COL25A1: variants seen among roughly 807,000 people sequenced by gnomAD.
COL25A1 encodes collagen type XXV alpha 1 chain, also known as collagen alpha-1(XXV) chain.
Under a neutral mutation model 128.4 loss-of-function variants are expected in COL25A1, and 103 were observed. The observed-to-expected ratio is 0.80, with a 90% CI of 0.68 to 0.94. The LOEUF (loss-of-function observed/expected upper bound fraction) is 0.94, where lower values mean the gene tolerates loss of function less well. Among genes scored for constraint, COL25A1 ranks in the 40% least tolerant of loss-of-function variants. The probability of loss-of-function intolerance (pLI) is 0.00; values close to 1 mark genes in which losing one functional copy is unlikely to be tolerated. For missense variants in COL25A1, 745 were observed against 840.0 expected (o/e 0.89, Z 1.40); for synonymous variants, 279 against 277.2 (o/e 1.01, Z -0.06).
intron 6 of COL25A1, among the ~76,000 whole-genome samples, chr4:108,977,926 T>G (rs1255834588): frequency 6.6e-6 from 1 of 152,216 alleles, no homozygotes; most frequent in Non-Finnish European, 1.5e-5. Context: ...GCCAGTGAGA[T>G]TTCACAGGCC....
intron 3 of COL25A1, among the ~76,000 whole-genome samples, chr4:109,237,656 TG>T (rs1226662070): frequency 2.0e-5 from 3 of 151,952 alleles, no homozygotes. Context: ...ATTATTTATT[TG>T]TGTGATAAAA....
intron 3 of COL25A1, among the ~76,000 whole-genome samples, chr4:109,133,051 T>C (rs866552091): frequency 2.6e-5 from 4 of 152,068 alleles, no homozygotes; most frequent in Non-Finnish European, 5.9e-5. Flanking sequence ...AGTTTCAATA[T>C]AGAATTCATT....
intron 5 of COL25A1, among the ~76,000 whole-genome samples, chr4:109,013,743 G>A (rs1756927129): frequency 6.6e-6 from 1 of 152,134 alleles, no homozygotes; most frequent in East Asian, 1.9e-4. Flanking sequence ...AAGCCAGCGA[G>A]ACCACGAACC....
intron 3 of COL25A1, among the ~76,000 whole-genome samples, chr4:109,161,925 G>C (rs1384411647): frequency 6.6e-6 from 1 of 152,176 alleles, no homozygotes; most frequent in Non-Finnish European, 1.5e-5. Context: ...CAAATCTCAG[G>C]CAACAGGTAA....
intron 6 of COL25A1, among the ~76,000 whole-genome samples, chr4:108,998,113 A>G (rs1292295051): frequency 6.6e-6 from 1 of 152,226 alleles, no homozygotes; most frequent in Non-Finnish European, 1.5e-5. Flanking sequence ...TAGTGTTGGA[A>G]GTACTGTCCA....
rs996007945 is a variant in COL25A1 at position 109,006,823 on chromosome 4, C to T, written c.438+3535G>A. Among the ~76,000 whole-genome samples the T allele has an allele frequency of 1.3e-5, 2 of 152,108 alleles. 1 individual carries two copies. The highest frequency in any genetic ancestry group is 1.3e-4 in the Admixed American group (2 of 15,268). ...TATTTAAGGAACAGAAAACCAAACA[C>T]CGCATGTTCTCATTTATAAGTGGCA... On this transcript the variant is annotated intron_variant, in intron 6 of 37. Transcript: ENST00000399132.
chr4:109,011,901 C>T (rs1366989937), intron 5 of COL25A1, among the ~76,000 whole-genome samples: 1 of 152,236 alleles, frequency 6.6e-6, no homozygotes, highest in African/African-American at 2.4e-5. Context: ...GTAGGCATTC[C>T]TACCTGCAAC....
intron 24 of COL25A1, among the ~76,000 whole-genome samples, chr4:108,858,439 C>A (rs9995265): frequency 1.3e-5 from 2 of 151,792 alleles, no homozygotes; most frequent in Admixed American, 6.6e-5. Flanking sequence ...CTTGGTGAGA[C>A]AGAATAAGTA....
chr4:108,865,990 T>A (rs561231045), intron 20 of COL25A1, among the ~76,000 whole-genome samples: 1 of 152,276 alleles, frequency 6.6e-6, no homozygotes, highest in East Asian at 1.9e-4. Context: ...GAAATTATAT[T>A]ATTTGTCTAC....
At chr4:108,944,361 T>A (rs1215085735) in intron 8 of COL25A1, among the ~76,000 whole-genome samples, 2 of 152,190 alleles carry the variant, frequency 1.3e-5, no homozygotes, top group Non-Finnish European at 2.9e-5. Context: ...TGTTATTAGA[T>A]GGTAATGTGC....
At chr4:108,943,096 A>G (rs1233318787) in intron 8 of COL25A1, among the ~76,000 whole-genome samples, 2 of 152,150 alleles carry the variant, frequency 1.3e-5, no homozygotes, top group Admixed American at 1.3e-4. Context: ...GGAAACTGAG[A>G]GCTCATTGTC....
chr4:108,835,595 C>T (rs1407099018), intron 31 of COL25A1, among the ~76,000 whole-genome samples: 1 of 151,756 alleles, frequency 6.6e-6, no homozygotes, highest in African/African-American at 2.4e-5. Context: ...ACCCTTGTTG[C>T]CCAGGCTGAA....
At chr4:109,205,368 C>T (rs559798495) in intron 3 of COL25A1, among the ~76,000 whole-genome samples, 5 of 152,132 alleles carry the variant, frequency 3.3e-5, no homozygotes, top group Non-Finnish European at 7.3e-5. Context: ...CTAAAGACTA[C>T]GTTTCCCAGC....
intron 5 of COL25A1, among the ~76,000 whole-genome samples, chr4:109,024,953 G>A (rs1254271623): frequency 1.3e-5 from 2 of 152,208 alleles, no homozygotes; most frequent in African/African-American, 4.8e-5. Flanking sequence ...TTAAACACCA[G>A]CGAGAAGAGG....
intron 3 of COL25A1, among the ~76,000 whole-genome samples, chr4:109,070,132 C>T (rs2125981320): frequency 1.3e-5 from 2 of 151,802 alleles, no homozygotes; most frequent in Admixed American, 1.3e-4. Flanking sequence ...GGGGTGTATG[C>T]CTCTAGTCCC....
intron 14 of COL25A1, among the ~76,000 whole-genome samples, chr4:108,900,431 C>G (rs1742698014): frequency 6.6e-6 from 1 of 152,154 alleles, no homozygotes; most frequent in African/African-American, 2.4e-5. Flanking sequence ...CACACCAGCA[C>G]AGCTGATGGG....
chr4:108,844,435 G>A, intron 30 of COL25A1, 84 bp downstream of exon 30: 2 of 1,610,432 alleles, frequency 1.2e-6, no homozygotes, highest in Middle Eastern at 3.4e-4. Context: ...ATACAAGCTG[G>A]CTGTTTAGAG....
chr4:109,026,616 C>G (rs1355714075), intron 5 of COL25A1, among the ~76,000 whole-genome samples: 1 of 152,080 alleles, frequency 6.6e-6, no homozygotes, highest in Admixed American at 6.6e-5. Flanking sequence ...ACATGTGTGC[C>G]GACGATTTGC....
At chr4:108,820,545 A>C (rs1357968641) in intron 35 of COL25A1, among the ~76,000 whole-genome samples, 2 of 152,226 alleles carry the variant, frequency 1.3e-5, no homozygotes, top group African/African-American at 4.8e-5. Context: ...TACTTTCCTT[A>C]TTAAGTCAGG....
Sources: allele counts gnomAD v4.1 joint callset (sites outside exome capture counted in the v4.1 genomes callset), GRCh38; gene constraint gnomAD v4.1.1; transcripts MANE v1.5; gene names NCBI Gene and HGNC (gene_info 2026-07-23, HGNC 2026-07-21).